Variants in LRRN4 observed in about 807,000 individuals in gnomAD.
The protein encoded by LRRN4 is leucine rich repeat neuronal 4.
LRRN4 carries 26 observed loss-of-function variants against 22.3 expected under a neutral mutation model. The ratio of observed to expected loss-of-function variants is 1.16; its 90% confidence interval spans 0.85 to 1.62. The LOEUF (loss-of-function observed/expected upper bound fraction) is 1.62, where lower values mean the gene tolerates loss of function less well. LRRN4 is among the 40% of genes most tolerant of loss of function. The pLI is 0.00. For synonymous variants in LRRN4, 496 were observed against 486.2 expected (o/e 1.02, Z -0.26); for missense variants, 1,070 against 1,008.5 (o/e 1.06, Z -0.83).
Position 6,045,757 on chromosome 20 carries a change from G to A in LRRN4, c.861-1077C>T, listed in dbSNP as rs771690865. On this transcript the variant is annotated intron_variant, in intron 3 of 4. Coordinates refer to ENST00000378858, the MANE Select transcript of LRRN4 (RefSeq NM_152611.5). ...TTGTGGTCTGGATTAGCTCAGCTGG[G>A]GCCAGATGATCTGGGATGGCCTCAT... is the stretch of plus-strand genomic sequence containing the variant. Among the ~76,000 whole-genome samples the A allele has an allele frequency of 1.3e-4, 20 of 149,052 alleles. 1 individual carries two copies. The highest frequency in any genetic ancestry group is 2.4e-4 in the Non-Finnish European group (16 of 66,570).
chr20:6,043,581 C>T (rs1011360364), intron 4 of LRRN4, among the ~76,000 whole-genome samples: 4 of 151,980 alleles, frequency 2.6e-5, no homozygotes, highest in Non-Finnish European at 5.9e-5. Context: ...GACTGAGCCC[C>T]ACCTCACAGC....
At position 6,052,697 on chromosome 20, in the gene LRRN4, G is replaced by A. The variant is rs918514945; in HGVS notation, c.103C>T (p.Pro35Ser). The A allele has an allele frequency of 6.4e-6, 10 of 1,572,016 alleles. No homozygotes were observed. The highest frequency in any genetic ancestry group is 7.7e-6 in the Non-Finnish European group (9 of 1,166,668). Residue 35 changes from proline (P) to serine (S), a missense_variant, in exon 2 of 5, where the codon CCC (proline) becomes TCC (serine). Coordinates refer to ENST00000378858, the MANE Select transcript of LRRN4 (RefSeq NM_152611.5). Reference sequence around the variant, plus strand: ...GCGTTGCTGCCACTGCTCCCCCAGGGGCCCTGCTGAGTGACCCGGAAGAGC... The same window carrying A: ...GCGTTGCTGCCACTGCTCCCCCAGGAGCCCTGCTGAGTGACCCGGAAGAGC... Reference protein sequence around the residue: ...VPLFRVTQQGPWGSSGSNATD... With the variant: ...VPLFRVTQQGSWGSSGSNATD...
At chr20:6,047,664 A>C (rs1433649834) in intron 3 of LRRN4, among the ~76,000 whole-genome samples, 2 of 151,346 alleles carry the variant, frequency 1.3e-5, no homozygotes, top group Non-Finnish European at 2.9e-5. Flanking sequence ...GGTGGCGTGT[A>C]CCTGTAGTCC....
Position 6,052,537 on chromosome 20 carries a change from C to G in LRRN4, c.263G>C (p.Arg88Pro). 1 of 1,588,360 alleles carries G rather than the reference C, an allele frequency of 6.3e-7. No individual in the cohort carries two copies. Among genetic ancestry groups the G allele is most frequent in the Non-Finnish European group, 8.5e-7 (1 of 1,175,150 alleles). The change falls in exon 2 of 5, where the codon CGC becomes CCC. Residue 88 changes from arginine to proline, a missense_variant. Physicochemically the swap from Arg to Pro is moderately radical, Grantham distance 103. Coordinates refer to ENST00000378858, the MANE Select transcript of LRRN4 (RefSeq NM_152611.5). ...RSLDASHNLL[R>P]ALSTSELGHL... is the part of the protein sequence containing the mutation. The stretch of plus-strand genomic sequence containing the variant: ...GCCGAGCTCGGAAGTGCTCAGGGCG[C>G]GCAGCAGGTTGTGGCTGGCGTCGAG...
At chr20:6,044,027 C>G (rs7274229) in intron 4 of LRRN4, among the ~76,000 whole-genome samples, 3,982 of 152,208 alleles carry the variant, frequency 0.026, 170 homozygotes, top group African/African-American at 0.09. Flanking sequence ...GTTCCCAGCC[C>G]CCCAGCTCCC....
chr20:6,051,045 G>T, intron 2 of LRRN4, 62 bp from the exon 3 acceptor site: 1 of 1,458,786 alleles, frequency 6.9e-7, no homozygotes, highest in South Asian at 1.2e-5. Flanking sequence ...AGGCCAGCAC[G>T]GCATGAAGGA....
At position 6,044,667 on chromosome 20, in the gene LRRN4, A is replaced by G; in HGVS notation, c.874T>C (p.Ser292Pro). Residue 292 changes from serine (S) to proline (P), a missense_variant, in exon 4 of 5, where the codon TCC (serine) becomes CCC (proline). Transcript: ENST00000378858. ...VLLFQNCNLS[S>P]FPPWTLDSSQ... Reference sequence around the variant, plus strand: ...GAATCCAGGGTCCAAGGAGGGAAGGAACTCAAGTTGCAGCTGAAATACAAA... The same window carrying G: ...GAATCCAGGGTCCAAGGAGGGAAGGGACTCAAGTTGCAGCTGAAATACAAA... The G allele has an allele frequency of 6.5e-7, 1 of 1,544,646 alleles. No homozygotes were observed. Among genetic ancestry groups the G allele is most frequent in the South Asian group, 1.3e-5 (1 of 78,528 alleles).
intron 2 of LRRN4, 37 bp from the exon 3 acceptor site, chr20:6,051,020 A>G (rs1386152977): frequency 1.8e-5 from 28 of 1,594,522 alleles, no homozygotes; most frequent in Non-Finnish European, 1.7e-5. Context: ...CTACTCCAGA[A>G]CGCACAAACC....
intron 2 of LRRN4, 30 bp downstream of exon 2, chr20:6,052,115 C>A: frequency 6.4e-7 from 1 of 1,560,420 alleles, no homozygotes; most frequent in Non-Finnish European, 8.7e-7. Context: ...GCGCTCAGGC[C>A]GGCTGAAAAC....
At chr20:6,042,720 AC>A (rs1980999804) in intron 4 of LRRN4, among the ~76,000 whole-genome samples, 1 of 152,032 alleles carries the variant, frequency 6.6e-6, no homozygotes, top group Admixed American at 6.5e-5. Context: ...GGAGGTCAAG[AC>A]CATCCTGGCT....
intron 4 of LRRN4, among the ~76,000 whole-genome samples, chr20:6,043,612 G>A (rs2123052148): frequency 6.6e-6 from 1 of 151,776 alleles, no homozygotes; most frequent in East Asian, 2.0e-4. Flanking sequence ...TGGGAGATGA[G>A]AAAAGAATCT....
rs1439263531 is a variant in LRRN4 at position 6,041,531 on chromosome 20, C to T, written c.1714G>A (p.Gly572Ser). The change falls in exon 5 of 5, where the codon GGC (glycine) becomes AGC (serine). Residue 572 changes from glycine to serine, a missense_variant. Transcript: ENST00000378858. The surrounding 1 kb of genome is among the most constrained non-coding windows in gnomAD (Gnocchi z 9.4). ...GGGATGGTGTCTTCCCCGCTGAGGCCGGGGCACCGGCACCGCCACCGCCTC... is the reference window on the plus strand; with the variant it reads ...GGGATGGTGTCTTCCCCGCTGAGGCTGGGGCACCGGCACCGCCACCGCCTC... ...LQRRWRCRCPGLSGEDTIPDP... is the reference protein window; with the variant it reads ...LQRRWRCRCPSLSGEDTIPDP... 1.3e-6 allele frequency: 2 copies of T among 1,552,480 alleles called. No individual in the cohort carries two copies. The highest frequency in any genetic ancestry group is 1.4e-5 in the African/African-American group (1 of 73,526).
rs1980949104 is a variant in LRRN4 at position 6,041,561 on chromosome 20, G to T, written c.1684C>A (p.Leu562Met). ...CKHLQTPCAE[L>M]QRRWRCRCPG... is the part of the protein sequence containing the mutation. ...CACCGGCACCGCCACCGCCTCTGCA[G>T]CTCCGCGCACGGGGTCTGCAGGTGC... is the stretch of plus-strand genomic sequence containing the variant. The change falls in exon 5 of 5, where the codon CTG becomes ATG. Residue 562 changes from leucine to methionine, a missense_variant. By Grantham distance (15) the Leu-to-Met change is conservative. Transcript: ENST00000378858. This position sits in a 1 kb window ranked among gnomAD's most constrained non-coding sequence, Gnocchi z 9.4. The T allele has an allele frequency of 6.4e-7, 1 of 1,554,940 alleles. No homozygotes were observed. Among genetic ancestry groups the T allele is most frequent in the Admixed American group, 1.9e-5 (1 of 53,852 alleles).
At chr20:6,044,279 T>G (rs2068896449) in intron 4 of LRRN4, among the ~76,000 whole-genome samples, 1 of 152,016 alleles carries the variant, frequency 6.6e-6, no homozygotes, top group African/African-American at 2.4e-5. Flanking sequence ...TGAATGTGAG[T>G]GGAAGTGAGG....
In LRRN4 at chr20:6,041,638, T is replaced by C. The variant is rs1433277701; in HGVS notation, c.1607A>G (p.Glu536Gly). The C allele has an allele frequency of 6.9e-6, 11 of 1,602,506 alleles. No homozygotes were observed. Among genetic ancestry groups the C allele is most frequent in the Non-Finnish European group, 8.5e-6 (10 of 1,173,574 alleles). Residue 536 changes from glutamate to glycine, a missense_variant, in exon 5 of 5, where the codon GAG becomes GGG. Physicochemically the swap from Glu to Gly is moderately conservative, Grantham distance 98. Transcript: ENST00000378858. The surrounding 1 kb of genome is among the most constrained non-coding windows in gnomAD (Gnocchi z 9.4). Reference protein sequence around the residue: ...DYSEEEEGRKEEVGTPHQDVP... With the variant: ...DYSEEEEGRKGEVGTPHQDVP... The stretch of plus-strand genomic sequence containing the variant: ...GTCCTGGTGAGGCGTTCCCACCTCC[T>C]CCTTCCTCCCTTCCTCCTCCTCACT...
rs1465032387 is a variant in LRRN4, at chr20:6,052,757, G to A, written c.43C>T (p.Pro15Ser). The A allele has an allele frequency of 5.1e-6, 8 of 1,575,004 alleles. No homozygotes were observed. The highest frequency in any genetic ancestry group is 5.1e-6 in the Non-Finnish European group (6 of 1,168,270). ...TCCTGGGGAGGGTCTGCCCAGCTGG[G>A]GCGCAGCACCGTCAGCAGCAGCAGC... ...LPLLLLTVLR[P>S]SWADPPQEKV... Residue 15 changes from proline (P) to serine (S), a missense_variant, in exon 2 of 5, where the codon CCC (proline) becomes TCC (serine). Pro to Ser is a moderately conservative substitution (Grantham distance 74). Transcript: ENST00000378858.
Position 6,050,860 on chromosome 20 carries a change from C to A in LRRN4, c.779G>T (p.Cys260Phe), listed in dbSNP as rs1382846144. The part of the protein sequence containing the change: ...KMTPNLQQLD[C>F]QDSPALASVA... Reference sequence around the variant, plus strand: ...AGAAGCAAGTGCTGGGGAGTCCTGACAGTCCAGCTGCTGCAGGTTGGGGGT... The same window carrying A: ...AGAAGCAAGTGCTGGGGAGTCCTGAAAGTCCAGCTGCTGCAGGTTGGGGGT... The change falls in exon 3 of 5, where the codon TGT becomes TTT. Residue 260 changes from cysteine to phenylalanine, a missense_variant. Physicochemically the swap from Cys to Phe is radical, Grantham distance 205. Coordinates refer to ENST00000378858, the MANE Select transcript of LRRN4 (RefSeq NM_152611.5). 3 of 1,614,126 alleles carry A rather than the reference C, an allele frequency of 1.9e-6. No individual in the cohort carries two copies. Among genetic ancestry groups the A allele is most frequent in the South Asian group, 1.1e-5 (1 of 91,084 alleles).
rs144964953 is a variant in LRRN4, at chr20:6,041,485, C to T, written c.1760G>A (p.Gly587Glu). Residue 587 changes from glycine to glutamate, a missense_variant, in exon 5 of 5, where the codon GGG becomes GAG. Gly to Glu is a moderately conservative substitution (Grantham distance 98). Transcript: ENST00000378858. This position sits in a 1 kb window ranked among gnomAD's most constrained non-coding sequence, Gnocchi z 9.4. The stretch of plus-strand genomic sequence containing the variant: ...CGACGTGTCCGTGGTCTCCGTCACC[C>T]CCTGCAGCCTGGGCGGGTCTGGGAT... ...DTIPDPPRLQ[G>E]VTETTDTSAL... 1.4e-4 allele frequency: 212 copies of T among 1,558,680 alleles called. No individual in the cohort carries two copies. Among genetic ancestry groups the T allele is most frequent in the Non-Finnish European group, 1.8e-4 (207 of 1,151,858 alleles).
Position 6,040,966 on chromosome 20 carries a change from TCTTC to T in LRRN4, c.*52_*55del. On this transcript the variant is annotated 3_prime_UTR_variant, in exon 5 of 5. Transcript: ENST00000378858. The stretch of plus-strand genomic sequence containing the variant: ...ATGGGGTCGTTTTTGACCGTCTGTG[TCTTC>T]CTTTTTGCGCTCAGATCCAGTTCGA... 2 of 1,601,578 alleles carry T rather than the reference TCTTC, an allele frequency of 1.2e-6. No homozygotes were observed. The highest frequency in any genetic ancestry group is 1.7e-6 in the Non-Finnish European group (2 of 1,174,462).
Sources: allele counts gnomAD v4.1 joint callset (sites outside exome capture counted in the v4.1 genomes callset), GRCh38; gene constraint gnomAD v4.1.1; non-coding constraint Gnocchi (gnomAD v3.1); transcripts MANE v1.5; gene names NCBI Gene and HGNC (gene_info 2026-07-23, HGNC 2026-07-21).